CHGB: variants seen among roughly 807,000 people sequenced by gnomAD.
CHGB encodes the protein secretogranin-1.
In CHGB, 46 loss-of-function variants were observed where a neutral mutation model predicts 69.9. The ratio of observed to expected loss-of-function variants is 0.66; its 90% CI spans 0.52 to 0.84. The LOEUF is 0.84. Ranked by LOEUF, CHGB falls within the 40% of genes least tolerant of loss-of-function variation. The pLI is 0.00. For synonymous variants in CHGB, 312 were observed against 298.2 expected (o/e 1.05, Z -0.48); for missense variants, 796 against 822.2 (o/e 0.97, Z 0.39).
intron 1 of CHGB, among the ~76,000 whole-genome samples, chr20:5,914,946 T>G (rs1600210934): frequency 6.6e-6 from 1 of 152,366 alleles, no homozygotes; most frequent in East Asian, 1.9e-4. Flanking sequence ...GGGGAATGTT[T>G]AAAGAGGCTT....
chr20:5,916,443 C>A, intron 2 of CHGB, 71 bp downstream of exon 2: 2 of 1,288,056 alleles, frequency 1.6e-6, no homozygotes, highest in Non-Finnish European at 2.2e-6. Flanking sequence ...CCCTATTATA[C>A]CAAACCAAAC....
intron 3 of CHGB, among the ~76,000 whole-genome samples, chr20:5,918,172 C>T (rs1437403647): frequency 1.4e-5 from 1 of 71,548 alleles, no homozygotes; most frequent in South Asian, 4.0e-4. Flanking sequence ...AAAAAAAAAA[C>T]TCTCATTGCC....
At chr20:5,917,007 A>T in intron 3 of CHGB, 88 bp downstream of exon 3, 1 of 1,222,250 alleles carries the variant, frequency 8.2e-7, no homozygotes, top group Middle Eastern at 1.9e-4. Context: ...TTTATCTACA[A>T]ATGACCTGGG....
chr20:5,924,866 C>T (rs1033820736), intron 4 of CHGB, 106 bp from the exon 5 acceptor site: 1 of 636,876 alleles, frequency 1.6e-6, no homozygotes, highest in South Asian at 1.8e-5. Flanking sequence ...TTGACTAATG[C>T]AGCTTCTAAC....
chr20:5,921,583 A>G (rs1278340231), intron 3 of CHGB, among the ~76,000 whole-genome samples: 1 of 152,232 alleles, frequency 6.6e-6, no homozygotes, highest in Non-Finnish European at 1.5e-5. Context: ...TGACTCTGGA[A>G]ACACAAAGAT....
Position 5,925,055 on chromosome 20 carries a change from A to G in CHGB, c.*6A>G. 1 of 1,603,180 alleles carries G rather than the reference A, an allele frequency of 6.2e-7. No homozygotes were observed. Among genetic ancestry groups the G allele is most frequent in the Non-Finnish European group, 8.5e-7 (1 of 1,170,632 alleles). ...AATTCAGCCAAAGGGGCTGACTGTC[A>G]TTGGAGCGGTGGGCACTGTTAAGAA... On this transcript the variant is annotated 3_prime_UTR_variant, in exon 5 of 5. Coordinates refer to ENST00000378961, the MANE Select transcript of CHGB (RefSeq NM_001819.3).
In CHGB at chr20:5,923,062, C is replaced by T. The variant is rs756731449; in HGVS notation, c.918C>T (p.His306=). The T allele has an allele frequency of 2.5e-6, 4 of 1,613,978 alleles. No homozygotes were observed. The highest frequency in any genetic ancestry group is 2.2e-5 in the East Asian group (1 of 44,876). Residue 306 remains histidine (H), a synonymous_variant, in exon 4 of 5, where the codon CAC becomes CAT. Coordinates refer to ENST00000378961, the MANE Select transcript of CHGB (RefSeq NM_001819.3). Reference sequence around the variant, plus strand: ...GTCTTCCCTCTGAGGAAAAGGGACACCCCCAGGAGGAATCTGAGGAGTCAA... The same window carrying T: ...GTCTTCCCTCTGAGGAAAAGGGACATCCCCAGGAGGAATCTGAGGAGTCAA... ...GGSLPSEEKG[H]PQEESEESNV... is the part of the protein sequence containing the mutation.
chr20:5,916,296 G>C, intron 1 of CHGB, 30 bp from the exon 2 acceptor site: 1 of 1,606,372 alleles, frequency 6.2e-7, no homozygotes, highest in Non-Finnish European at 8.5e-7. Context: ...ACCAACTCAA[G>C]TCATTTTCCA....
rs568720425 is a variant in CHGB, at chr20:5,919,338, A to G, written c.190+2419A>G. Among the ~76,000 whole-genome samples the G allele has an allele frequency of 1.2e-4, 18 of 152,312 alleles. No individual in the cohort carries two copies. The East Asian group carries it at 2.9e-3, about 25-fold the overall frequency. On this transcript the variant is annotated intron_variant, in intron 3 of 4. Transcript: ENST00000378961. ...TCAAATGTATCTAAGGATCCTGGAG[A>G]TGTTATACCCAGAGAGTGACAGAAT...
intron 1 of CHGB, 146 bp from the exon 2 acceptor site, chr20:5,916,180 G>C (rs933878599): frequency 4.6e-6 from 3 of 647,442 alleles, no homozygotes; most frequent in Non-Finnish European, 8.3e-6. Context: ...ATTTATACCG[G>C]ATCTAAAATA....
At chr20:5,924,911 C>A in intron 4 of CHGB, 61 bp from the exon 5 acceptor site, 1 of 1,033,596 alleles carries the variant, frequency 9.7e-7, no homozygotes. Context: ...CATGCTCCAT[C>A]AAACTACAGC....
intron 4 of CHGB, 118 bp downstream of exon 4, chr20:5,924,218 G>A (rs1947195471): frequency 1.4e-6 from 2 of 1,406,730 alleles, no homozygotes; most frequent in Non-Finnish European, 9.4e-7. Flanking sequence ...TATGAAAATG[G>A]TGCTCTAGTA....
chr20:5,916,832 C>T lies in CHGB; in HGVS notation c.103C>T (p.Arg35Cys), dbSNP rs1477230351. 3.7e-6 allele frequency: 6 copies of T among 1,614,076 alleles called. No homozygotes were observed. Among genetic ancestry groups the T allele is most frequent in the East Asian group, 2.2e-5 (1 of 44,902 alleles). Residue 35 changes from arginine to cysteine, a missense_variant, in exon 3 of 5, where the codon CGC (arginine) becomes TGC (cysteine). Arg to Cys is a radical substitution (Grantham distance 180). This residue lies in a region of CHGB where 518 missense variants were observed against 506.3 expected (regional missense o/e 1.02). Transcript: ENST00000378961. ...NRNHNEGMVT[R>C]CIIEVLSNAL... ...CTTTCGGGTTTCCCCCCAGGTGACT[C>T]GCTGCATCATTGAGGTCCTCTCAAA...
chr20:5,913,628 C>CTTTTTTTTTTTTTTTTTTTTTTTTTTT (rs918275521), intron 1 of CHGB, among the ~76,000 whole-genome samples: 6 of 90,470 alleles, frequency 6.6e-5, no homozygotes, highest in Admixed American at 1.1e-4. Context: ...CTTTTCTTTT[C>CTTTTTTTTTTTTTTTTTTTTTTTTTTT]TTTTTTTTTT....
chr20:5,922,520 G>A lies in CHGB; in HGVS notation c.376G>A (p.Gly126Arg), dbSNP rs200658508. ...GGCAGACACAGAGAAATGGGCAGAG[G>A]GAGGCGGGCACAGCCGAGAGCGAGC... ...TKADTEKWAE[G>R]GGHSRERADE... The change falls in exon 4 of 5, where the codon GGA (glycine) becomes AGA (arginine). Residue 126 changes from glycine to arginine, a missense_variant. Gly to Arg is a moderately radical substitution (Grantham distance 125, BLOSUM62 -2). This residue lies in a region of CHGB where 518 missense variants were observed against 506.3 expected (regional missense o/e 1.02). Transcript: ENST00000378961. The A allele has an allele frequency of 1.6e-4, 260 of 1,613,044 alleles. No individual in the cohort carries two copies. The highest frequency in any genetic ancestry group is 2.1e-4 in the Non-Finnish European group (244 of 1,179,340).
At position 5,925,171 on chromosome 20, in the gene CHGB, A is replaced by G. The variant is rs2088542789; in HGVS notation, c.*122A>G. ...GAAAGTAGAACTTACTATTCATTAA[A>G]TGTTTGACACAATTGGAATTGTCTT... is the stretch of plus-strand genomic sequence containing the variant. On this transcript the variant is annotated 3_prime_UTR_variant, in exon 5 of 5. Transcript: ENST00000378961. 2.5e-5 allele frequency: 15 copies of G among 592,512 alleles called. No homozygotes were observed. In the East Asian group the frequency reaches 4.4e-4, roughly 17 times the overall value. 36.7% of individuals were successfully genotyped at this position (592,512 alleles called of 1,614,324 possible).
intron 1 of CHGB, among the ~76,000 whole-genome samples, 199 bp downstream of exon 1, chr20:5,911,881 G>T (rs1333624437): frequency 1.3e-5 from 2 of 152,180 alleles, no homozygotes; most frequent in African/African-American, 4.8e-5. Flanking sequence ...AAGCTAGAGG[G>T]CTTCCTAGCC....
At chr20:5,922,128 A>G (rs955177193) in intron 3 of CHGB, among the ~76,000 whole-genome samples, 7 of 152,226 alleles carry the variant, frequency 4.6e-5, no homozygotes, top group African/African-American at 1.7e-4. Context: ...ACATAAAAAT[A>G]TAGACAGTTT....
Position 5,911,510 on chromosome 20 carries a change from A to T in CHGB, c.-124A>T, listed in dbSNP as rs930868352. Reference sequence around the variant, plus strand: ...GAGCGGGGCCTGCGCCGGCCGCGCCACACCGCGGGGACCAGGAGGCACGCT... The same window carrying T: ...GAGCGGGGCCTGCGCCGGCCGCGCCTCACCGCGGGGACCAGGAGGCACGCT... On this transcript the variant is annotated 5_prime_UTR_variant, in exon 1 of 5. Coordinates refer to ENST00000378961, the MANE Select transcript of CHGB (RefSeq NM_001819.3). 9.4e-7 allele frequency: 1 copy of T among 1,062,932 alleles called. No homozygotes were observed. Among genetic ancestry groups the T allele is most frequent in the Non-Finnish European group, 1.3e-6 (1 of 746,486 alleles). 65.8% of individuals were successfully genotyped at this position (1,062,932 alleles called of 1,614,324 possible).
Sources: allele counts gnomAD v4.1 joint callset (sites outside exome capture counted in the v4.1 genomes callset), GRCh38; gene constraint gnomAD v4.1.1; regional missense constraint gnomAD v4.1.1; transcripts MANE v1.5; gene names NCBI Gene and HGNC (gene_info 2026-07-23, HGNC 2026-07-21).